The following CNTN4 variants were observed in gnomAD, a reference collection of about 807,000 sequenced individuals.
The protein encoded by CNTN4 is contactin 4.
Under a neutral mutation model 122.5 loss-of-function variants are expected in CNTN4, and 77 were observed. That is an observed-to-expected ratio of 0.63 (90% confidence interval 0.52 to 0.76). The LOEUF (loss-of-function observed/expected upper bound fraction) is 0.76, where lower values mean the gene tolerates loss of function less well. Ranked by LOEUF, CNTN4 falls within the 30% of genes least tolerant of loss-of-function variation. CNTN4 has a pLI of 0.00. For synonymous variants in CNTN4, 512 were observed against 447.0 expected (o/e 1.15, Z -1.83); for missense variants, 1,256 against 1,259.1 (o/e 1.00, Z 0.04).
At chr3:3,021,654 A>G (rs1698301469) in intron 14 of CNTN4, among the ~76,000 whole-genome samples, 2 of 152,366 alleles carry the variant, frequency 1.3e-5, no homozygotes. Context: ...ATAGGCACCA[A>G]GTGAATATCT....
Position 2,777,962 on chromosome 3 carries a change from G to C in CNTN4, c.358+32265G>C, listed in dbSNP as rs139459397. Among the ~76,000 whole-genome samples the C allele has an allele frequency of 7.6e-3, 1,159 of 151,952 alleles. 9 individuals are homozygous for C. The highest frequency in any genetic ancestry group is 0.014 in the Middle Eastern group (4 of 292). ...GGGTGCGGTGGCTCATGCCTGTAAT[G>C]CCAGCACTTTGGGAGGCCGAGGTGG... On this transcript the variant is annotated intron_variant, in intron 6 of 24. Coordinates refer to ENST00000418658, the MANE Select transcript of CNTN4 (RefSeq NM_175607.3).
intron 4 of CNTN4, among the ~76,000 whole-genome samples, chr3:2,592,457 A>G (rs1382480015): frequency 1.3e-5 from 2 of 152,168 alleles, no homozygotes; most frequent in African/African-American, 4.8e-5. Context: ...CATAATTCCC[A>G]CATGTTGTGG....
At chr3:2,345,657 G>T (rs1050444370) in intron 3 of CNTN4, among the ~76,000 whole-genome samples, 1 of 152,122 alleles carries the variant, frequency 6.6e-6, no homozygotes, top group Non-Finnish European at 1.5e-5. Flanking sequence ...TGAGTTTGCT[G>T]TCTAATAGGG....
In CNTN4 at chr3:3,056,247, T is replaced by A. The variant is rs745333551; in HGVS notation, c.*27T>A. On this transcript the variant is annotated 3_prime_UTR_variant, in exon 25 of 25. Coordinates refer to ENST00000418658, the MANE Select transcript of CNTN4 (RefSeq NM_175607.3). ...AAAAGTTATCTGAAGGACTTGCTGT[T>A]TATAATATAAGCAACATTTAGCTAG... is the stretch of plus-strand genomic sequence containing the variant. 1.6e-5 allele frequency: 24 copies of A among 1,536,884 alleles called. No individual in the cohort carries two copies. Among genetic ancestry groups the A allele is most frequent in the Middle Eastern group, 1.7e-4 (1 of 5,938 alleles).
rs1251056131 is a variant in CNTN4, at chr3:2,691,324, T to A, written c.56-44891T>A. On this transcript the variant is annotated intron_variant, in intron 4 of 24. Transcript: ENST00000418658. ...AATTTACCCAGCATTTCTACAGTGGTGTAATAACAAAGAGTCTGAAACATA... is the reference window on the plus strand; with the variant it reads ...AATTTACCCAGCATTTCTACAGTGGAGTAATAACAAAGAGTCTGAAACATA... 2.6e-5 allele frequency among the ~76,000 whole-genome samples: 4 copies of A among 152,282 alleles called. No individual in the cohort carries two copies. In the East Asian group the frequency reaches 7.7e-4, roughly 29 times the overall value.
intron 7 of CNTN4, 37 bp downstream of exon 7, chr3:2,819,618 C>A: frequency 1.4e-6 from 2 of 1,400,680 alleles, no homozygotes; most frequent in Non-Finnish European, 2.0e-6. Context: ...ATGCTTCACT[C>A]TCTGTTATTT....
intron 3 of CNTN4, among the ~76,000 whole-genome samples, chr3:2,533,979 G>C (rs147707163): frequency 6.7e-6 from 1 of 149,822 alleles, no homozygotes; most frequent in Non-Finnish European, 1.5e-5. Context: ...AAATTTGTTT[G>C]AGTTCTTTGT....
At chr3:3,040,442 A>G in intron 20 of CNTN4, 171 bp downstream of exon 20, 1 of 659,504 alleles carries the variant, frequency 1.5e-6, no homozygotes, top group Non-Finnish European at 2.8e-6. Flanking sequence ...GAATCTCTTG[A>G]AAAGATAGCG....
chr3:2,526,742 T>C (rs1405561006), intron 3 of CNTN4, among the ~76,000 whole-genome samples: 1 of 152,146 alleles, frequency 6.6e-6, no homozygotes, highest in Non-Finnish European at 1.5e-5. Flanking sequence ...CTGAGGTTTT[T>C]TTACTTAATA....
chr3:2,199,507 G>T (rs1444570409), intron 2 of CNTN4, among the ~76,000 whole-genome samples: 2 of 152,030 alleles, frequency 1.3e-5, no homozygotes, highest in Admixed American at 6.6e-5. Flanking sequence ...GAAACACCTG[G>T]ATTCTGCTTC....
chr3:2,205,824 TTAAA>T (rs1400266771), intron 2 of CNTN4, among the ~76,000 whole-genome samples: 13 of 152,114 alleles, frequency 8.5e-5, no homozygotes, highest in African/African-American at 2.2e-4. Flanking sequence ...CATAAGATTA[TTAAA>T]TAAACTTCTG....
intron 14 of CNTN4, among the ~76,000 whole-genome samples, chr3:3,009,647 A>C (rs1033233448): frequency 2.0e-5 from 3 of 151,902 alleles, no homozygotes; most frequent in Non-Finnish European, 2.9e-5. Context: ...GTTAGCCAGG[A>C]TGGTCTCGAT....
rs150604637 is a variant in CNTN4, at chr3:2,150,972, CGTAA to C, written c.-145+50340_-145+50343del. 5.2e-3 allele frequency among the ~76,000 whole-genome samples: 791 copies of C among 152,204 alleles called. 8 individuals are homozygous for C. Among genetic ancestry groups the C allele is most frequent in the African/African-American group, 0.018 (741 of 41,520 alleles). On this transcript the variant is annotated intron_variant, in intron 2 of 24. Transcript: ENST00000418658. ...TTCCTACTGGTCCACCGGGAACTAT[CGTAA>C]GTAAGTTGAGGATACAGGGATGAGC...
chr3:3,045,010 G>T (rs171091), intron 23 of CNTN4, among the ~76,000 whole-genome samples: 28,357 of 152,200 alleles, frequency 0.19, 3,313 homozygotes, highest in African/African-American at 0.33. Flanking sequence ...GGCTCAGAGG[G>T]TCCCATGCCC....
chr3:2,755,816 C>A (rs554956301), intron 6 of CNTN4, among the ~76,000 whole-genome samples: 1 of 152,134 alleles, frequency 6.6e-6, no homozygotes, highest in African/African-American at 2.4e-5. Flanking sequence ...GGGATCCAAG[C>A]AAGATTCATC....
At chr3:2,688,237 A>G (rs1400754416) in intron 4 of CNTN4, among the ~76,000 whole-genome samples, 1 of 152,168 alleles carries the variant, frequency 6.6e-6, no homozygotes, top group East Asian at 1.9e-4. Flanking sequence ...ATTGAGAGAA[A>G]TAGCTATTTT....
chr3:2,401,877 TC>T (rs1361297697), intron 3 of CNTN4, among the ~76,000 whole-genome samples: 2 of 152,192 alleles, frequency 1.3e-5, no homozygotes, highest in Non-Finnish European at 2.9e-5. Flanking sequence ...GATATTTTAA[TC>T]CTACAAAAGC....
At chr3:2,686,875 AAAAC>A (rs2085459393) in intron 4 of CNTN4, among the ~76,000 whole-genome samples, 1 of 152,174 alleles carries the variant, frequency 6.6e-6, no homozygotes, top group South Asian at 2.1e-4. Flanking sequence ...GCTGTGGGAG[AAAAC>A]AAACAGTGTA....
chr3:2,168,156 C>G (rs74395052), intron 2 of CNTN4, among the ~76,000 whole-genome samples: 2,391 of 152,186 alleles, frequency 0.016, 45 homozygotes, highest in African/African-American at 0.048. Flanking sequence ...GAAAGTTATA[C>G]TCTACAAATG....
Sources: allele counts gnomAD v4.1 joint callset (sites outside exome capture counted in the v4.1 genomes callset), GRCh38; gene constraint gnomAD v4.1.1; transcripts MANE v1.5; gene names NCBI Gene and HGNC (gene_info 2026-07-23, HGNC 2026-07-21).